The following SORCS2 variants were observed in gnomAD, a reference collection of about 807,000 sequenced individuals.
SORCS2 encodes the protein sortilin related VPS10 domain containing receptor 2, also known as VPS10 domain-containing receptor SorCS2.
A neutral mutation model predicts 141.6 loss-of-function variants in SORCS2; 100 were observed. That is an observed-to-expected ratio of 0.71 (90% CI 0.60 to 0.83). The LOEUF (loss-of-function observed/expected upper bound fraction) is 0.83, where lower values mean the gene tolerates loss of function less well. Among genes scored for constraint, SORCS2 ranks in the 40% least tolerant of loss-of-function variants. The pLI is 0.00. For synonymous variants in SORCS2, 789 were observed against 676.9 expected, an observed-to-expected ratio of 1.17 and a Z score of -2.57; for missense variants, 1,646 against 1,560.2, an observed-to-expected ratio of 1.05 and a Z score of -0.93.
chr4:7,597,865 C>T lies in SORCS2; in HGVS notation c.649-40463C>T, dbSNP rs182062972. Among the ~76,000 whole-genome samples, 8 of 151,408 alleles carry T rather than the reference C, an allele frequency of 5.3e-5. No individual in the cohort carries two copies. The South Asian group carries it at 1.0e-3, about 20-fold the overall frequency. On this transcript the variant is annotated intron_variant, in intron 3 of 26. Transcript: ENST00000507866. ...ACTGGTGAGGGAGGAGGGGTGAGAGCTGCGTTCTGCTCTGTGGTCAGCGGA... is the reference window on the plus strand; with the variant it reads ...ACTGGTGAGGGAGGAGGGGTGAGAGTTGCGTTCTGCTCTGTGGTCAGCGGA...
At chr4:7,581,782 G>A (rs1333586843) in intron 3 of SORCS2, among the ~76,000 whole-genome samples, 1 of 152,170 alleles carries the variant, frequency 6.6e-6, no homozygotes, top group Non-Finnish European at 1.5e-5. Context: ...CCCGTCCAGA[G>A]TCTGGATGCT....
At chr4:7,298,633 G>A (rs1007267155) in intron 1 of SORCS2, among the ~76,000 whole-genome samples, 1 of 152,198 alleles carries the variant, frequency 6.6e-6, no homozygotes, top group Admixed American at 6.5e-5. Flanking sequence ...AGGGCTGCCT[G>A]TCTGATTTCC....
At chr4:7,337,869 A>G (rs1720087542) in intron 1 of SORCS2, among the ~76,000 whole-genome samples, 1 of 151,476 alleles carries the variant, frequency 6.6e-6, no homozygotes, top group African/African-American at 2.4e-5. Flanking sequence ...CAAGCCTGCC[A>G]CCCACACATG....
At chr4:7,613,802 T>C (rs1479380171) in intron 3 of SORCS2, among the ~76,000 whole-genome samples, 1 of 151,896 alleles carries the variant, frequency 6.6e-6, no homozygotes, top group African/African-American at 2.4e-5. Flanking sequence ...TGTCTACCAA[T>C]CTATCTTTCC....
At chr4:7,394,189 A>G (rs1024089787) in intron 1 of SORCS2, among the ~76,000 whole-genome samples, 4 of 152,264 alleles carry the variant, frequency 2.6e-5, no homozygotes, top group African/African-American at 9.6e-5. Context: ...GGAGGTGGGC[A>G]CTGGCCTCTG....
intron 1 of SORCS2, among the ~76,000 whole-genome samples, chr4:7,277,937 G>A (rs1715613164): frequency 6.6e-6 from 1 of 152,196 alleles, no homozygotes; most frequent in African/African-American, 2.4e-5. Flanking sequence ...ACTGGCCCTG[G>A]ACATTGCGGT....
chr4:7,270,642 C>T (rs1335221238), intron 1 of SORCS2, among the ~76,000 whole-genome samples: 1 of 152,184 alleles, frequency 6.6e-6, no homozygotes, highest in Non-Finnish European at 1.5e-5. Context: ...ATGTGCCTTT[C>T]CACTAAAAAA....
chr4:7,247,876 C>T (rs1713217072), intron 1 of SORCS2, among the ~76,000 whole-genome samples: 1 of 152,232 alleles, frequency 6.6e-6, no homozygotes, highest in African/African-American at 2.4e-5. Flanking sequence ...GGAAGGCCTG[C>T]ACCCTGGTGA....
At chr4:7,333,335 GA>G (rs1212849138) in intron 1 of SORCS2, among the ~76,000 whole-genome samples, 2 of 152,200 alleles carry the variant, frequency 1.3e-5, no homozygotes, top group African/African-American at 2.4e-5. Context: ...TGGCTGATGG[GA>G]CCCACTGCAG....
chr4:7,283,015 C>CCATTCACTCATTTATTCATCCATT (rs1156234891), intron 1 of SORCS2, among the ~76,000 whole-genome samples: 8 of 151,946 alleles, frequency 5.3e-5, no homozygotes, highest in Non-Finnish European at 1.2e-4. Context: ...ACTCATTCAC[C>CCATTCACTCATTTATTCATCCATT]CATTCACTCA....
chr4:7,725,351 G>T, intron 20 of SORCS2, 64 bp downstream of exon 20: 3 of 1,546,318 alleles, frequency 1.9e-6, no homozygotes, highest in Non-Finnish European at 2.6e-6. Context: ...TGCACAGTGG[G>T]GCAGAGCATG....
chr4:7,280,724 G>A (rs556905803), intron 1 of SORCS2, among the ~76,000 whole-genome samples: 2 of 152,156 alleles, frequency 1.3e-5, no homozygotes, highest in Admixed American at 6.5e-5. Context: ...TGTGTTTAGG[G>A]TCCTGCCTCA....
At chr4:7,416,026 G>C (rs1381243191) in intron 2 of SORCS2, among the ~76,000 whole-genome samples, 1 of 152,206 alleles carries the variant, frequency 6.6e-6, no homozygotes, top group Non-Finnish European at 1.5e-5. Flanking sequence ...CTGGTGTGGA[G>C]GGACCCTAAG....
chr4:7,640,117 CTA>C (rs1181688829), intron 4 of SORCS2, among the ~76,000 whole-genome samples: 3 of 149,602 alleles, frequency 2.0e-5, no homozygotes, highest in Admixed American at 6.7e-5. Flanking sequence ...GTGTAAGAAG[CTA>C]TGTTAGCGAG....
intron 2 of SORCS2, among the ~76,000 whole-genome samples, chr4:7,435,578 G>A (rs1051149050): frequency 3.3e-5 from 5 of 152,210 alleles, no homozygotes; most frequent in African/African-American, 7.2e-5. Context: ...GAGCCCAGCC[G>A]GTCTCTTCAT....
chr4:7,435,852 A>G (rs1003302189), intron 2 of SORCS2, among the ~76,000 whole-genome samples: 11 of 152,356 alleles, frequency 7.2e-5, no homozygotes, highest in African/African-American at 2.4e-4. Context: ...TAATTGCCAA[A>G]CAGCCATGGA....
chr4:7,201,754 G>A lies in SORCS2; in HGVS notation c.480+8628G>A, dbSNP rs1291466838. Among the ~76,000 whole-genome samples the A allele has an allele frequency of 6.6e-6, 1 of 152,176 alleles. No individual in the cohort carries two copies. The highest frequency in any genetic ancestry group is 1.9e-4 in the East Asian group (1 of 5,170). On this transcript the variant is annotated intron_variant, in intron 1 of 26. Coordinates refer to ENST00000507866, the MANE Select transcript of SORCS2 (RefSeq NM_020777.3). This position sits in a 1 kb window ranked among gnomAD's most constrained non-coding sequence, Gnocchi z 4.4. ...CTTACGAATGGCCCACTTTGTCCTC[G>A]CCCCTCCTTAGTCGCTAGTTTGGGT...
chr4:7,687,570 G>A (rs1723957024), intron 10 of SORCS2, among the ~76,000 whole-genome samples: 1 of 152,180 alleles, frequency 6.6e-6, no homozygotes, highest in Admixed American at 6.5e-5. Context: ...CCTGCCACCC[G>A]AGGCCCTGTG....
chr4:7,267,379 C>T (rs967031327), intron 1 of SORCS2, among the ~76,000 whole-genome samples: 19 of 152,172 alleles, frequency 1.2e-4, no homozygotes, highest in South Asian at 6.2e-4. Flanking sequence ...AAGGACTTGC[C>T]GCAGCTCCGA....
Sources: allele counts gnomAD v4.1 joint callset (sites outside exome capture counted in the v4.1 genomes callset), GRCh38; gene constraint gnomAD v4.1.1; non-coding constraint Gnocchi (gnomAD v3.1); transcripts MANE v1.5; gene names NCBI Gene and HGNC (gene_info 2026-07-23, HGNC 2026-07-21).